Variants in PPFIBP1 observed in about 807,000 individuals in gnomAD.
The protein encoded by PPFIBP1 is liprin-beta-1.
A neutral mutation model predicts 137.8 loss-of-function variants in PPFIBP1; 112 were observed. That is an observed-to-expected ratio of 0.81 (90% CI 0.70 to 0.95). The LOEUF (loss-of-function observed/expected upper bound fraction) is 0.95, where lower values mean the gene tolerates loss of function less well. Among genes scored for constraint, PPFIBP1 ranks in the 40% least tolerant of loss-of-function variants. The pLI is 0.00. For synonymous variants in PPFIBP1, 378 were observed against 417.3 expected (o/e 0.91, Z 1.15); for missense variants, 1,083 against 1,196.6 (o/e 0.91, Z 1.40).
intron 2 of PPFIBP1, chr12:27,592,557 G>C: frequency 7.4e-7 from 1 of 1,351,450 alleles, no homozygotes; most frequent in Non-Finnish European, 1.1e-6. Context: ...GACTCTTGGT[G>C]GCTTTCACAG....
chr12:27,666,119 A>G (rs1220046109), intron 12 of PPFIBP1, among the ~76,000 whole-genome samples: 2 of 152,244 alleles, frequency 1.3e-5, no homozygotes, highest in Non-Finnish European at 2.9e-5. Flanking sequence ...AAGAAAAGAG[A>G]TAAAAATCAC....
intron 13 of PPFIBP1, among the ~76,000 whole-genome samples, chr12:27,669,472 G>T (rs935350090): frequency 2.0e-5 from 3 of 152,148 alleles, no homozygotes; most frequent in African/African-American, 7.2e-5. Context: ...TTTTAAGTTT[G>T]TAACAAGAAT....
Position 27,681,634 on chromosome 12 carries a change from G to A in PPFIBP1, c.1984G>A (p.Gly662Ser), listed in dbSNP as rs2060879982. Reference sequence around the variant, plus strand: ...GGGCTTGGGCTCGTACCTGAATTCTGGCAAGCACTGGATTGCATCTGGCCA... The same window carrying A: ...GGGCTTGGGCTCGTACCTGAATTCTAGCAAGCACTGGATTGCATCTGGCCA... ...EQGLGSYLNS[G>S]KHWIASGQTL... is the part of the protein sequence containing the mutation. The change falls in exon 22 of 30, where the codon GGC becomes AGC. Residue 662 changes from glycine (G) to serine (S), a missense_variant. Gly to Ser is a moderately conservative substitution (Grantham distance 56, BLOSUM62 0). Transcript: ENST00000228425. 6.2e-7 allele frequency: 1 copy of A among 1,614,118 alleles called. No individual in the cohort carries two copies. The highest frequency in any genetic ancestry group is 1.7e-5 in the Admixed American group (1 of 60,024).
intron 2 of PPFIBP1, among the ~76,000 whole-genome samples, chr12:27,611,000 T>C (rs7294348): frequency 2.7e-3 from 414 of 152,270 alleles, no homozygotes; most frequent in East Asian, 8.7e-3. Flanking sequence ...ATTTCAAACT[T>C]TAATGGACAC....
chr12:27,538,325 G>A (rs1251006364), intron 1 of PPFIBP1: 1 of 152,188 alleles, frequency 6.6e-6, no homozygotes, highest in Non-Finnish European at 1.5e-5. Context: ...GGTTTTAACT[G>A]CTCAAGTACC....
intron 2 of PPFIBP1, among the ~76,000 whole-genome samples, chr12:27,626,630 G>A (rs781229902): frequency 2.2e-4 from 33 of 151,896 alleles, no homozygotes; most frequent in Non-Finnish European, 3.2e-4. Flanking sequence ...GCAGTGGTGC[G>A]ATCTTGGCTC....
intron 10 of PPFIBP1, 131 bp from the exon 11 acceptor site, chr12:27,660,753 C>A: frequency 7.4e-7 from 1 of 1,360,400 alleles, no homozygotes; most frequent in Non-Finnish European, 9.7e-7. Context: ...TAAATGTGCC[C>A]TTTTTAAAGA....
intron 25 of PPFIBP1, among the ~76,000 whole-genome samples, chr12:27,687,737 G>T (rs1333215384): frequency 6.6e-6 from 1 of 152,004 alleles, no homozygotes; most frequent in East Asian, 1.9e-4. Context: ...CTTTTCTTGG[G>T]TGTATTTTTT....
intron 2 of PPFIBP1, among the ~76,000 whole-genome samples, chr12:27,611,483 A>G (rs2055104740): frequency 2.0e-5 from 3 of 152,212 alleles, no homozygotes; most frequent in Admixed American, 2.0e-4. Flanking sequence ...AATTGATTAT[A>G]AAGACCCTAT....
chr12:27,650,424 G>A (rs1436489843), intron 7 of PPFIBP1, among the ~76,000 whole-genome samples: 1 of 152,038 alleles, frequency 6.6e-6, no homozygotes, highest in African/African-American at 2.4e-5. Flanking sequence ...ACGATATTTG[G>A]AGCATCCGTC....
rs116865114 is a variant in PPFIBP1 at position 27,633,736 on chromosome 12, G to T, written c.64+276G>T. On this transcript the variant is annotated intron_variant, in intron 3 of 29. Coordinates refer to ENST00000228425, the MANE Select transcript of PPFIBP1 (RefSeq NM_003622.4). ...GGTGATTCTGGTGTAGGTGGTCTGT[G>T]GACCATACTTTGAGGGACACTTCTC... Among the ~76,000 whole-genome samples the T allele has an allele frequency of 5.3e-3, 804 of 151,864 alleles. 6 individuals are homozygous for T. Among genetic ancestry groups the T allele is most frequent in the South Asian group, 0.014 (68 of 4,814 alleles).
In PPFIBP1 at chr12:27,524,781, A is replaced by AT. The variant is rs1198682720; in HGVS notation, c.-124+423dup. Among the ~76,000 whole-genome samples the AT allele has an allele frequency of 5.3e-5, 8 of 151,942 alleles. No homozygotes were observed. The East Asian group carries it at 9.7e-4, about 18-fold the overall frequency. On this transcript the variant is annotated intron_variant, in intron 1 of 29. Transcript: ENST00000228425. ...GTTGAAAAGAAAAAAAAAGTTTTGT[A>AT]TTTTTTTGTCTCCTTGTGGCCTATT...
intron 2 of PPFIBP1, among the ~76,000 whole-genome samples, chr12:27,586,003 C>T (rs959584974): frequency 5.3e-5 from 8 of 152,164 alleles, no homozygotes; most frequent in Admixed American, 1.3e-4. Context: ...ATTCTGTAGT[C>T]ATTAGGAACA....
chr12:27,635,303 A>C, intron 4 of PPFIBP1, 188 bp downstream of exon 4: 1 of 625,786 alleles, frequency 1.6e-6, no homozygotes, highest in Non-Finnish European at 2.8e-6. Flanking sequence ...ATTAGTGTAC[A>C]TTTTGTAAAT....
Position 27,609,426 on chromosome 12 carries a change from A to G in PPFIBP1, c.-35-23936A>G, listed in dbSNP as rs530390836. ...CTTTCATTCCTGCATACAGTCACTC[A>G]GAAAGTCCCATCAGTCCCATCTCCT... On this transcript the variant is annotated intron_variant, in intron 2 of 29. Coordinates refer to ENST00000228425, the MANE Select transcript of PPFIBP1 (RefSeq NM_003622.4). Among the ~76,000 whole-genome samples, 9 of 152,276 alleles carry G rather than the reference A, an allele frequency of 5.9e-5. No individual in the cohort carries two copies. The East Asian group carries it at 1.5e-3, about 26-fold the overall frequency.
intron 2 of PPFIBP1, among the ~76,000 whole-genome samples, chr12:27,605,173 C>T (rs894125749): frequency 6.6e-6 from 1 of 152,220 alleles, no homozygotes; most frequent in Admixed American, 6.5e-5. Context: ...ACGAAAATGA[C>T]ATTGGTTAAT....
intron 2 of PPFIBP1, among the ~76,000 whole-genome samples, chr12:27,606,908 G>T (rs1453690153): frequency 1.3e-5 from 2 of 152,174 alleles, no homozygotes; most frequent in Non-Finnish European, 2.9e-5. Context: ...ATCCGTACTT[G>T]CTATCAAGAT....
intron 25 of PPFIBP1, among the ~76,000 whole-genome samples, chr12:27,687,945 A>G (rs1287166075): frequency 6.6e-6 from 1 of 152,142 alleles, no homozygotes; most frequent in African/African-American, 2.4e-5. Context: ...TTAGCCAGGC[A>G]TGGTGGGTGC....
At position 27,582,381 on chromosome 12, in the gene PPFIBP1, C is replaced by T. The variant is rs186257370; in HGVS notation, c.-36+4142C>T. ...TAAGAAGAGGGGAGAGGGTCCAAGG[C>T]ATTTTTTACACCTATTTAGTGGATG... On this transcript the variant is annotated intron_variant, in intron 2 of 29. Transcript: ENST00000228425. 1.2e-4 allele frequency among the ~76,000 whole-genome samples: 18 copies of T among 152,160 alleles called. No individual in the cohort carries two copies. The South Asian group carries it at 3.7e-3, about 32-fold the overall frequency.
Sources: allele counts gnomAD v4.1 joint callset (sites outside exome capture counted in the v4.1 genomes callset), GRCh38; gene constraint gnomAD v4.1.1; transcripts MANE v1.5; gene names NCBI Gene and HGNC (gene_info 2026-07-23, HGNC 2026-07-21).